HMCN2: variants seen among roughly 807,000 people sequenced by gnomAD.
HMCN2 encodes hemicentin-2.
A neutral mutation model predicts 377.5 loss-of-function variants in HMCN2; 325 were observed. That is an observed-to-expected ratio of 0.86 (90% CI 0.79 to 0.94). The LOEUF (loss-of-function observed/expected upper bound fraction) is 0.94. HMCN2 is among the 40% of genes least tolerant of loss of function. The pLI is 0.00. For missense variants in HMCN2, 4,543 were observed against 4,725.3 expected (o/e 0.96, Z 1.13); for synonymous variants, 2,007 against 2,046.8 (o/e 0.98, Z 0.53).
intron 46 of HMCN2, among the ~76,000 whole-genome samples, chr9:130,371,432 T>G (rs979807476): frequency 1.4e-5 from 2 of 147,550 alleles, no homozygotes; most frequent in African/African-American, 2.5e-5. Flanking sequence ...AAAAACAAAC[T>G]TTGGCACTTA....
intron 83 of HMCN2, 32 bp downstream of exon 83, chr9:130,407,737 C>G: frequency 2.5e-6 from 3 of 1,181,186 alleles, no homozygotes; most frequent in Non-Finnish European, 3.2e-6. Flanking sequence ...GCTTCTCTCT[C>G]AAGACCTCCA....
chr9:130,371,498 TCTC>T (rs1457288581), intron 46 of HMCN2, among the ~76,000 whole-genome samples: 2 of 152,084 alleles, frequency 1.3e-5, no homozygotes, highest in Non-Finnish European at 2.9e-5. Context: ...CTAAGCACCT[TCTC>T]CTCTGAATAT....
At chr9:130,293,581 G>A (rs781921979) in intron 4 of HMCN2, among the ~76,000 whole-genome samples, 4 of 152,038 alleles carry the variant, frequency 2.6e-5, no homozygotes, top group Non-Finnish European at 4.4e-5. Context: ...GTGTGAGCTG[G>A]GGAGAGGAGG....
At chr9:130,389,783 C>T (rs577821716) in intron 62 of HMCN2, among the ~76,000 whole-genome samples, 3 of 152,324 alleles carry the variant, frequency 2.0e-5, no homozygotes, top group African/African-American at 7.2e-5. Flanking sequence ...CCATGTTGGT[C>T]AGGCTGGTCT....
At chr9:130,384,854 A>C in intron 59 of HMCN2, 56 bp downstream of exon 59, 3 of 1,116,948 alleles carry the variant, frequency 2.7e-6, no homozygotes, top group Non-Finnish European at 3.6e-6. Flanking sequence ...GTCACCCCTC[A>C]GCCCATACTC....
At chr9:130,294,233 C>T (rs956050628) in intron 4 of HMCN2, among the ~76,000 whole-genome samples, 1 of 152,164 alleles carries the variant, frequency 6.6e-6, no homozygotes, top group Non-Finnish European at 1.5e-5. Flanking sequence ...GCAAAGGGTC[C>T]TTACCTTTTA....
chr9:130,433,731 C>T lies in HMCN2; in HGVS notation c.*38C>T, dbSNP rs1844918483. 7.2e-7 allele frequency: 1 copy of T among 1,389,996 alleles called. No homozygotes were observed. Among genetic ancestry groups the T allele is most frequent in the Non-Finnish European group, 9.4e-7 (1 of 1,064,100 alleles). 86.1% of individuals were successfully genotyped at this position (1,389,996 alleles called of 1,614,324 possible). On this transcript the variant is annotated 3_prime_UTR_variant, in exon 98 of 98. Transcript: ENST00000683500. ...ATTGGCGGCCGCCCTGGCGTGACCC[C>T]CGAGGAAGGGGTCGAGGAGAAGCTT...
chr9:130,428,269 G>A lies in HMCN2; in HGVS notation c.14066-89G>A. The A allele has an allele frequency of 1.1e-5, 15 of 1,412,758 alleles. No individual in the cohort carries two copies. The highest frequency in any genetic ancestry group is 1.4e-5 in the Non-Finnish European group (15 of 1,073,520). 87.5% of individuals were successfully genotyped at this position (1,412,758 alleles called of 1,614,324 possible). On this transcript the variant is annotated intron_variant, in intron 92 of 97. Transcript: ENST00000683500. The surrounding 1 kb of genome is among the most constrained non-coding windows in gnomAD (Gnocchi z 5.0). ...AGTGGCTCCTGGGCCTGCGGACGAA[G>A]CCTCTGTGGATAGGCCGGGCCAGGG...
rs1844507178 is a variant in HMCN2 at position 130,428,229 on chromosome 9, G to A, written c.14066-129G>A. On this transcript the variant is annotated intron_variant, in intron 92 of 97. Coordinates refer to ENST00000683500, the MANE Select transcript of HMCN2 (RefSeq NM_001291815.2). The surrounding 1 kb of genome is among the most constrained non-coding windows in gnomAD (Gnocchi z 5.0). ...AATGGAAAGAGCTAGCAGAAGGGGT[G>A]GGGACCTTCCTGCCAGTGGCTCCTG... 2 of 1,094,076 alleles carry A rather than the reference G, an allele frequency of 1.8e-6. No homozygotes were observed. The highest frequency in any genetic ancestry group is 2.8e-5 in the Admixed American group (1 of 35,456). The allele number at this position is 1,094,076 out of a possible 1,614,324, so 67.8% of individuals were successfully genotyped here. A position where few individuals can be genotyped will look rare whatever the true frequency, so the allele number is the denominator to read the frequency against.
chr9:130,396,802 C>T (rs938305800), intron 73 of HMCN2, among the ~76,000 whole-genome samples: 6 of 152,170 alleles, frequency 3.9e-5, no homozygotes, highest in South Asian at 2.1e-4. Flanking sequence ...TGGCCAGGGG[C>T]GGGATTGCAC....
chr9:130,428,340 GC>G lies in HMCN2; in HGVS notation c.14066-15del. On this transcript the variant is annotated splice_polypyrimidine_tract_variant and intron_variant, in intron 92 of 97. Transcript: ENST00000683500. This position sits in a 1 kb window ranked among gnomAD's most constrained non-coding sequence, Gnocchi z 5.0. The stretch of plus-strand genomic sequence containing the variant: ...GGGGATCATGTTCACACAGCCGTCT[GC>G]CCTGATCTGCCCCCAGATGTGGACG... 1 of 1,538,594 alleles carries G rather than the reference GC, an allele frequency of 6.5e-7. No individual in the cohort carries two copies.
At position 130,428,954 on chromosome 9, in the gene HMCN2, C is replaced by G. The variant is rs535024771; in HGVS notation, c.14197+465C>G. Reference sequence around the variant, plus strand: ...CCCTGGATGGGTGACCTCAATGGTCCTTCCTGCTCTAACAGTCTATGGCTG... The same window carrying G: ...CCCTGGATGGGTGACCTCAATGGTCGTTCCTGCTCTAACAGTCTATGGCTG... On this transcript the variant is annotated intron_variant, in intron 93 of 97. Transcript: ENST00000683500. This position sits in a 1 kb window ranked among gnomAD's most constrained non-coding sequence, Gnocchi z 5.0. 6.6e-6 allele frequency among the ~76,000 whole-genome samples: 1 copy of G among 152,206 alleles called. No homozygotes were observed. The highest frequency in any genetic ancestry group is 1.5e-5 in the Non-Finnish European group (1 of 68,040).
intron 19 of HMCN2, among the ~76,000 whole-genome samples, chr9:130,323,292 C>T (rs1837947957): frequency 1.3e-5 from 2 of 152,166 alleles, no homozygotes. Flanking sequence ...CAAGTGCTAG[C>T]GTGAGAGCCC....
In HMCN2 at chr9:130,375,576, C is replaced by T; in HGVS notation, c.7644C>T (p.Ile2548=). ...CCCCCATCACAGTGGCTCCCACCATCCTGGGAGGGGCCGAGGACAGTGCAG... is the reference window on the plus strand; with the variant it reads ...CCCCCATCACAGTGGCTCCCACCATTCTGGGAGGGGCCGAGGACAGTGCAG... ...FQLSVLLAPT[I]LGGAEDSADE... The change falls in exon 50 of 98, where the codon ATC becomes ATT. Residue 2548 remains isoleucine (I), a synonymous_variant. Transcript: ENST00000683500. 1.0e-6 allele frequency: 1 copy of T among 985,888 alleles called. No individual in the cohort carries two copies. Among genetic ancestry groups the T allele is most frequent in the Non-Finnish European group, 1.2e-6 (1 of 829,952 alleles). 61.1% of individuals were successfully genotyped at this position (985,888 alleles called of 1,614,324 possible).
intron 19 of HMCN2, among the ~76,000 whole-genome samples, chr9:130,324,293 A>C (rs1474323807): frequency 2.0e-5 from 3 of 152,180 alleles, no homozygotes; most frequent in Non-Finnish European, 4.4e-5. Context: ...TATGTCTGTG[A>C]TTTCACTTAG....
Position 130,389,739 on chromosome 9 carries a change from T to C in HMCN2, c.9523+1199T>C, listed in dbSNP as rs970451548. Among the ~76,000 whole-genome samples, 9 of 152,068 alleles carry C rather than the reference T, an allele frequency of 5.9e-5. No homozygotes were observed. In the East Asian group the frequency reaches 1.7e-3, roughly 29 times the overall value. ...ACAGGCTCGCACCACCACGCCCAGC[T>C]AATGTTTGTATTTTTAGTAGAGATG... On this transcript the variant is annotated intron_variant, in intron 62 of 97. Coordinates refer to ENST00000683500, the MANE Select transcript of HMCN2 (RefSeq NM_001291815.2).
At chr9:130,297,308 G>T (rs1554932509) in intron 7 of HMCN2, among the ~76,000 whole-genome samples, 1 of 149,020 alleles carries the variant, frequency 6.7e-6, no homozygotes, top group African/African-American at 2.4e-5. Flanking sequence ...GGAGGAGCCT[G>T]GGGGGGATAT....
intron 4 of HMCN2, among the ~76,000 whole-genome samples, chr9:130,287,429 C>A (rs552130907): frequency 1.3e-5 from 2 of 152,082 alleles, no homozygotes; most frequent in South Asian, 2.1e-4. Flanking sequence ...CTCATGGAGA[C>A]CCTCCTTGAT....
At chr9:130,337,247 A>G (rs1838803156) in intron 22 of HMCN2, among the ~76,000 whole-genome samples, 1 of 152,096 alleles carries the variant, frequency 6.6e-6, no homozygotes, top group Admixed American at 6.5e-5. Flanking sequence ...TATCAAGCTG[A>G]GCCAGACTGG....
Sources: allele counts gnomAD v4.1 joint callset (sites outside exome capture counted in the v4.1 genomes callset), GRCh38; gene constraint gnomAD v4.1.1; non-coding constraint Gnocchi (gnomAD v3.1); transcripts MANE v1.5; gene names NCBI Gene and HGNC (gene_info 2026-07-23, HGNC 2026-07-21).